PRKAG2: variants seen among roughly 807,000 people sequenced by gnomAD.
PRKAG2 encodes the protein protein kinase AMP-activated non-catalytic subunit gamma 2.
PRKAG2 carries 26 observed loss-of-function variants against 69.6 expected under a neutral mutation model. That is an observed-to-expected ratio of 0.37 (90% confidence interval 0.27 to 0.52). The LOEUF (loss-of-function observed/expected upper bound fraction) is 0.52, where lower values mean the gene tolerates loss of function less well. Ranked by LOEUF, PRKAG2 falls within the 20% of genes least tolerant of loss-of-function variation. PRKAG2 has a pLI of 0.90. For missense variants in PRKAG2, 557 were observed against 740.0 expected (o/e 0.75, Z 2.87); for synonymous variants, 293 against 285.0 (o/e 1.03, Z -0.28).
At chr7:151,720,453 A>G (rs1008095584) in intron 3 of PRKAG2, among the ~76,000 whole-genome samples, 1 of 151,824 alleles carries the variant, frequency 6.6e-6, no homozygotes, top group Non-Finnish European at 1.5e-5. Flanking sequence ...TGGGTGTAAC[A>G]CAGACTGTGT....
intron 5 of PRKAG2, among the ~76,000 whole-genome samples, chr7:151,610,993 G>A (rs1435433664): frequency 1.3e-5 from 2 of 152,074 alleles, no homozygotes; most frequent in Non-Finnish European, 2.9e-5. Context: ...GACCGCAGGT[G>A]ATCCGTCCAC....
chr7:151,782,424 GGAAA>G (rs368316793), intron 2 of PRKAG2, among the ~76,000 whole-genome samples: 46,337 of 126,630 alleles, frequency 0.37, 10,950 homozygotes, highest in East Asian at 0.5. Context: ...AAGGAAGGAA[GGAAA>G]GAAAGAAGGA....
intron 1 of PRKAG2, among the ~76,000 whole-genome samples, chr7:151,797,924 A>G (rs778398295): frequency 6.6e-6 from 1 of 152,244 alleles, no homozygotes; most frequent in Non-Finnish European, 1.5e-5. Flanking sequence ...ACTGAATTAC[A>G]ATAAGAATGT....
Position 151,606,954 on chromosome 7 carries a change from A to G in PRKAG2, c.755-11500T>C, listed in dbSNP as rs138935155. ...TCTTGCTTTTGATATTTTCAGTGTT[A>G]TAGGATAGAAGCATAATTACAGAGT... On this transcript the variant is annotated intron_variant, in intron 5 of 15. Transcript: ENST00000287878. 2.4e-4 allele frequency among the ~76,000 whole-genome samples: 36 copies of G among 152,382 alleles called. No homozygotes were observed. The East Asian group carries it at 6.7e-3, about 29-fold the overall frequency.
At chr7:151,727,525 C>T (rs1798186056) in intron 3 of PRKAG2, among the ~76,000 whole-genome samples, 2 of 152,220 alleles carry the variant, frequency 1.3e-5, no homozygotes, top group Admixed American at 6.5e-5. Context: ...GATCACCCTG[C>T]AGGCTGGCGC....
chr7:151,688,051 C>CCCCT (rs1554539800), intron 3 of PRKAG2, among the ~76,000 whole-genome samples: 2,168 of 145,854 alleles, frequency 0.015, 130 homozygotes, highest in African/African-American at 0.051. Context: ...GGCCCCCCCC[C>CCCCT]GGGCTCCTTG....
chr7:151,756,537 T>C lies in PRKAG2; in HGVS notation c.466+24615A>G, dbSNP rs1267454263. Reference sequence around the variant, plus strand: ...CTGCCTGGATGCAGGGGCTGACCTCTGACCCCTGCTGCCATGTGTCCAGGC... The same window carrying C: ...CTGCCTGGATGCAGGGGCTGACCTCCGACCCCTGCTGCCATGTGTCCAGGC... On this transcript the variant is annotated intron_variant, in intron 3 of 15. Coordinates refer to ENST00000287878, the MANE Select transcript of PRKAG2 (RefSeq NM_016203.4). The surrounding 1 kb of genome is among the most constrained non-coding windows in gnomAD (Gnocchi z 4.9). Among the ~76,000 whole-genome samples, 6 of 152,218 alleles carry C rather than the reference T, an allele frequency of 3.9e-5. No individual in the cohort carries two copies. Among genetic ancestry groups the C allele is most frequent in the African/African-American group, 1.4e-4 (6 of 41,464 alleles).
chr7:151,784,283 C>G (rs1034911192), intron 2 of PRKAG2, among the ~76,000 whole-genome samples: 2 of 152,160 alleles, frequency 1.3e-5, no homozygotes, highest in Admixed American at 1.3e-4. Flanking sequence ...CATGGACGTG[C>G]TCTGTTTACA....
Position 151,814,490 on chromosome 7 carries a change from G to A in PRKAG2, c.115-27949C>T. 8.1e-7 allele frequency: 1 copy of A among 1,230,698 alleles called. No individual in the cohort carries two copies. Among genetic ancestry groups the A allele is most frequent in the Non-Finnish European group, 1.0e-6 (1 of 987,842 alleles). 76.2% of individuals were successfully genotyped at this position (1,230,698 alleles called of 1,614,324 possible). On this transcript the variant is annotated intron_variant, in intron 1 of 15. Coordinates refer to ENST00000287878, the MANE Select transcript of PRKAG2 (RefSeq NM_016203.4). This position sits in a 1 kb window ranked among gnomAD's most constrained non-coding sequence, Gnocchi z 4.8. ...GTGCAGGCTTGTAAGCTGCTGGATG[G>A]CAGGATGCGAGTGACGGGGACGGGC...
Position 151,707,703 on chromosome 7 carries a change from C to T in PRKAG2, c.467-32066G>A, listed in dbSNP as rs140571875. On this transcript the variant is annotated intron_variant, in intron 3 of 15. Transcript: ENST00000287878. ...AGGGAGAACTGGGTCCTCACCACTG[C>T]TGCAGTGGCAAACAAAGGACACAAA... is the stretch of plus-strand genomic sequence containing the variant. Among the ~76,000 whole-genome samples, 1,273 of 152,322 alleles carry T rather than the reference C, an allele frequency of 8.4e-3. 19 individuals carry two copies. Among genetic ancestry groups the T allele is most frequent in the African/African-American group, 0.029 (1,200 of 41,576 alleles).
intron 1 of PRKAG2, among the ~76,000 whole-genome samples, chr7:151,838,959 G>A (rs1289144550): frequency 6.6e-6 from 1 of 150,562 alleles, no homozygotes; most frequent in Non-Finnish European, 1.5e-5. Context: ...AGGTTGTAGT[G>A]TGCAGAGACT....
At chr7:151,737,886 T>C (rs11977821) in intron 3 of PRKAG2, among the ~76,000 whole-genome samples, 25 of 149,436 alleles carry the variant, frequency 1.7e-4, no homozygotes, top group Admixed American at 2.0e-4. Context: ...AGATCTGCCA[T>C]TCCCATGGGG....
chr7:151,571,455 T>C (rs1807550356), intron 9 of PRKAG2, among the ~76,000 whole-genome samples: 1 of 152,090 alleles, frequency 6.6e-6, no homozygotes, highest in South Asian at 2.1e-4. Flanking sequence ...GTGATCCACC[T>C]GCTTTGGCCT....
rs1490551309 is a variant in PRKAG2 at position 151,699,284 on chromosome 7, C to T, written c.467-23647G>A. The stretch of plus-strand genomic sequence containing the variant: ...AAGATCTCCCACGAAGGTTGCCTCC[C>T]TCCCTGCGGTCAGGCTGCCTGCAGG... On this transcript the variant is annotated intron_variant, in intron 3 of 15. Coordinates refer to ENST00000287878, the MANE Select transcript of PRKAG2 (RefSeq NM_016203.4). This position sits in a 1 kb window ranked among gnomAD's most constrained non-coding sequence, Gnocchi z 4.5. 6.6e-6 allele frequency among the ~76,000 whole-genome samples: 1 copy of T among 152,232 alleles called. No individual in the cohort carries two copies. The highest frequency in any genetic ancestry group is 2.4e-5 in the African/African-American group (1 of 41,460).
intron 4 of PRKAG2, among the ~76,000 whole-genome samples, chr7:151,666,859 A>AT (rs1281666058): frequency 1.3e-5 from 2 of 152,178 alleles, no homozygotes; most frequent in Non-Finnish European, 2.9e-5. Context: ...TCCTGTCAGG[A>AT]TTTTGGTACC....
rs375705258 is a variant in PRKAG2, at chr7:151,802,615, T to C, written c.115-16074A>G. ...GAATCAAAAGATCACAGTAGGTCAG[T>C]TCTCCCCAGGCTATCTGTGTGCCCA... is the stretch of plus-strand genomic sequence containing the variant. On this transcript the variant is annotated intron_variant, in intron 1 of 15. Transcript: ENST00000287878. Among the ~76,000 whole-genome samples, 298 of 152,320 alleles carry C rather than the reference T, an allele frequency of 2.0e-3. 3 individuals carry two copies. The Middle Eastern group carries it at 0.02, about 10-fold the overall frequency.
At chr7:151,573,855 TG>T (rs1237545852) in intron 8 of PRKAG2, among the ~76,000 whole-genome samples, 3 of 152,192 alleles carry the variant, frequency 2.0e-5, no homozygotes, top group Admixed American at 6.5e-5. Context: ...CTCGGCTCAC[TG>T]CAACCTCCGC....
chr7:151,611,502 G>A (rs917993160), intron 5 of PRKAG2, among the ~76,000 whole-genome samples: 2 of 152,192 alleles, frequency 1.3e-5, no homozygotes, highest in African/African-American at 2.4e-5. Flanking sequence ...AGTAAGTGAT[G>A]AGGAAACTGA....
rs1434907832 is a variant in PRKAG2, at chr7:151,781,531, C to T, written c.187-100G>A. 6 of 1,390,906 alleles carry T rather than the reference C, an allele frequency of 4.3e-6. No homozygotes were observed. Among genetic ancestry groups the T allele is most frequent in the Non-Finnish European group, 5.9e-6 (6 of 1,016,762 alleles). The allele number at this position is 1,390,906 out of a possible 1,614,324, so 86.2% of individuals were successfully genotyped here. On this transcript the variant is annotated intron_variant, in intron 2 of 15. Transcript: ENST00000287878. This position sits in a 1 kb window ranked among gnomAD's most constrained non-coding sequence, Gnocchi z 6.1. ...ATCATTGTCCTCTCTCACATGCGGG[C>T]CCCCCATAGTACCCTCCCAGAGAAA...
Sources: allele counts gnomAD v4.1 joint callset (sites outside exome capture counted in the v4.1 genomes callset), GRCh38; gene constraint gnomAD v4.1.1; non-coding constraint Gnocchi (gnomAD v3.1); transcripts MANE v1.5; gene names NCBI Gene and HGNC (gene_info 2026-07-23, HGNC 2026-07-21).